The following ALDH3B2 variants were observed in gnomAD, a reference collection of about 807,000 sequenced individuals.
The protein encoded by ALDH3B2 is aldehyde dehydrogenase family 3 member B2.
In ALDH3B2, 45 loss-of-function variants were observed where a neutral mutation model predicts 36.7. That is an observed-to-expected ratio of 1.23 (90% CI 0.97 to 1.57). The LOEUF is 1.57. ALDH3B2 is among the 40% of genes most tolerant of loss of function. ALDH3B2 has a pLI of 0.00. For missense variants in ALDH3B2, 464 were observed against 513.3 expected (o/e 0.90, Z 0.93); for synonymous variants, 217 against 226.5 (o/e 0.96, Z 0.38).
upstream of ALDH3B2, among the ~76,000 whole-genome samples, chr11:67,674,995 C>T (rs1856235013): frequency 6.6e-6 from 1 of 152,066 alleles, no homozygotes; most frequent in African/African-American, 2.4e-5. Context: ...ATGGCCCCTC[C>T]TAGGGTCTCT....
At chr11:67,666,076 G>A (rs1249219832) in intron 6 of ALDH3B2, 46 bp downstream of exon 6, 2 of 1,596,222 alleles carry the variant, frequency 1.3e-6, no homozygotes, top group East Asian at 4.5e-5. Context: ...CCTCTCTCCT[G>A]ATGATCCCCT....
At chr11:67,666,068 T>C (rs1166329598) in intron 6 of ALDH3B2, 54 bp downstream of exon 6, 8 of 1,014,950 alleles carry the variant, frequency 7.9e-6, no homozygotes, top group Non-Finnish European at 1.0e-5. Flanking sequence ...CCTCCCACCC[T>C]CTCTCCTGAT....
intron 1 of ALDH3B2, chr11:67,671,383 CA>C (rs1173583375): frequency 2.0e-5 from 3 of 152,222 alleles, no homozygotes; most frequent in Admixed American, 6.5e-5. Flanking sequence ...GCCTCTCATG[CA>C]AGGTGCTTTC....
chr11:67,664,464 C>T (rs745389018), exon 8 of ALDH3B2: 32 of 1,614,126 alleles, frequency 2.0e-5, no homozygotes, highest in Middle Eastern at 1.7e-4. Context: ...TTGATGGCCT[C>T]GTCCACGCTC....
At chr11:67,678,067 A>G (rs556364459), upstream of ALDH3B2, among the ~76,000 whole-genome samples, 1 of 152,276 alleles carries the variant, frequency 6.6e-6, no homozygotes, top group Non-Finnish European at 1.5e-5. Context: ...ATTCAACACA[A>G]TCTCCATCAA....
exon 6 of ALDH3B2, chr11:67,666,183 C>G (rs759600537): frequency 9.3e-6 from 15 of 1,614,160 alleles, no homozygotes; most frequent in Non-Finnish European, 1.3e-5. Flanking sequence ...GGGGTCCGCC[C>G]AGCACCACGG....
At position 67,666,379 on chromosome 11, in the gene ALDH3B2, C is replaced by G. The variant is rs150984051; in HGVS notation, c.174G>C (p.Pro58=). ...TCTCTGTGCCCTGGCTGATTTCTGACGGCTTCAGCACCACGCAACTCCCTG... is the reference window on the plus strand; with the variant it reads ...TCTCTGTGCCCTGGCTGATTTCTGAGGGCTTCAGCACCACGCAACTCCCTG... Residue 58 remains proline, a synonymous_variant, in exon 5 of 10, where the codon CCG becomes CCC. Coordinates refer to ENST00000349015, the Ensembl canonical transcript of ALDH3B2. 4 of 1,605,798 alleles carry G rather than the reference C, an allele frequency of 2.5e-6. No homozygotes were observed. In the African/African-American group the frequency reaches 5.3e-5, roughly 21 times the overall value.
chr11:67,665,253 C>T, intron 7 of ALDH3B2, 32 bp downstream of exon 7: 1 of 1,570,316 alleles, frequency 6.4e-7, no homozygotes. Context: ...GGTCTTGGCC[C>T]AGGTGGGCTG....
chr11:67,680,399 C>G (rs1165855157), intron 1 of ALDH3B2, among the ~76,000 whole-genome samples: 1 of 152,168 alleles, frequency 6.6e-6, no homozygotes, highest in East Asian at 1.9e-4. Flanking sequence ...TGTTCTGACA[C>G]ACAAATACTC....
chr11:67,677,869 CA>C (rs531620755), upstream of ALDH3B2, among the ~76,000 whole-genome samples: 1 of 151,690 alleles, frequency 6.6e-6, no homozygotes, highest in African/African-American at 2.4e-5. Flanking sequence ...AAAAAACAAA[CA>C]AAAAAACAAA....
chr11:67,668,627 T>C (rs1270715507), intron 1 of ALDH3B2, among the ~76,000 whole-genome samples: 2 of 147,554 alleles, frequency 1.4e-5, no homozygotes, highest in Middle Eastern at 6.3e-3. Context: ...TTTGTGTGTC[T>C]ATGTGTGTGT....
rs764083060 is a variant in ALDH3B2, at chr11:67,665,504, AG to A, written c.486del (p.Cys163AlafsTer87). 4 of 1,613,914 alleles carry A rather than the reference AG, an allele frequency of 2.5e-6. No individual in the cohort carries two copies. Among genetic ancestry groups the A allele is most frequent in the East Asian group, 4.5e-5 (2 of 44,872 alleles). ...CACAGGACGTAGTCAGGGGCCACGC[AG>A]GTCTGGCCGGCATTGAAGTAGCAGA... On this transcript the variant is annotated frameshift_variant, in exon 7 of 10. Coordinates refer to ENST00000349015, the Ensembl canonical transcript of ALDH3B2. LOFTEE classifies it high-confidence loss of function.
intron 7 of ALDH3B2, 104 bp from the exon 8 acceptor site, chr11:67,664,666 G>T (rs1273134640): frequency 6.8e-7 from 1 of 1,471,200 alleles, no homozygotes; most frequent in South Asian, 1.3e-5. Flanking sequence ...TCCAGGCCAG[G>T]ATCCCAAGGT....
At chr11:67,668,395 G>T (rs1855980336) in intron 1 of ALDH3B2, among the ~76,000 whole-genome samples, 1 of 152,162 alleles carries the variant, frequency 6.6e-6, no homozygotes, top group Non-Finnish European at 1.5e-5. Context: ...GTCTGGAGAG[G>T]AGGAAGGATC....
At chr11:67,674,077 C>T (rs1366204534) in intron 1 of ALDH3B2, among the ~76,000 whole-genome samples, 13 of 152,226 alleles carry the variant, frequency 8.5e-5, no homozygotes, top group Admixed American at 4.6e-4. Flanking sequence ...CTGGTGCCCC[C>T]GACCCAATCC....
Position 67,665,283 on chromosome 11 carries a change from A to G in ALDH3B2, c.706+2T>C. 6.2e-7 allele frequency: 1 copy of G among 1,600,188 alleles called. No individual in the cohort carries two copies. Among genetic ancestry groups the G allele is most frequent in the South Asian group, 1.1e-5 (1 of 88,578 alleles). ...GGGCTGCGGTAGGGCAGCAGGACTC[A>G]CCGATGTAGCGATCGCTCTCGTTGC... On this transcript the variant is annotated splice_donor_variant, in intron 7 of 9. Coordinates refer to ENST00000349015, the Ensembl canonical transcript of ALDH3B2. LOFTEE classifies it high-confidence loss of function.
At chr11:67,665,758 G>A (rs1470393098) in intron 6 of ALDH3B2, 87 bp from the exon 7 acceptor site, 2 of 1,514,634 alleles carry the variant, frequency 1.3e-6, no homozygotes, top group African/African-American at 2.8e-5. Context: ...TCCCTGGAGA[G>A]GTGTTGGAGT....
chr11:67,675,586 A>G (rs28372760), upstream of ALDH3B2, among the ~76,000 whole-genome samples: 143 of 152,320 alleles, frequency 9.4e-4, 2 homozygotes, highest in East Asian at 0.025. Flanking sequence ...GACATCTGAG[A>G]TAACCCTTGG....
intron 1 of ALDH3B2, among the ~76,000 whole-genome samples, chr11:67,668,441 C>A (rs1855981589): frequency 6.6e-6 from 1 of 152,182 alleles, no homozygotes; most frequent in Non-Finnish European, 1.5e-5. Context: ...CTCAGGGGGA[C>A]ACTCAAGAGG....
Sources: allele counts gnomAD v4.1 joint callset (sites outside exome capture counted in the v4.1 genomes callset), GRCh38; gene constraint gnomAD v4.1.1; transcripts MANE v1.5; gene names NCBI Gene and HGNC (gene_info 2026-07-23, HGNC 2026-07-21).